SCN9A: variants seen among roughly 807,000 people sequenced by gnomAD.
The protein encoded by SCN9A is sodium voltage-gated channel alpha subunit 9, also known as sodium channel protein type 9 subunit alpha.
Under a neutral mutation model 187.0 loss-of-function variants are expected in SCN9A, and 131 were observed. The observed-to-expected ratio is 0.70, with a 90% CI of 0.61 to 0.81. The LOEUF (loss-of-function observed/expected upper bound fraction) is 0.81. Among genes scored for constraint, SCN9A ranks in the 30% least tolerant of loss-of-function variants. SCN9A has a pLI of 0.00. For missense variants in SCN9A, 2,252 were observed against 2,396.6 expected, an observed-to-expected ratio of 0.94 and a Z score of 1.26; for synonymous variants, 809 against 808.6, an observed-to-expected ratio of 1.00 and a Z score of -0.01.
intron 7 of SCN9A, among the ~76,000 whole-genome samples, chr2:166,295,137 T>C (rs1698241303): frequency 1.3e-5 from 2 of 152,070 alleles, no homozygotes; most frequent in Non-Finnish European, 2.9e-5. Flanking sequence ...ATATTTGGGC[T>C]GGGGGAAGAG....
At chr2:166,228,489 C>G (rs1209089197) in intron 22 of SCN9A, among the ~76,000 whole-genome samples, 1 of 151,962 alleles carries the variant, frequency 6.6e-6, no homozygotes, top group Non-Finnish European at 1.5e-5. Context: ...GAACTCCTGA[C>G]CTCATGATCT....
At chr2:166,205,506 T>A (rs1693755211) in intron 24 of SCN9A, among the ~76,000 whole-genome samples, 1 of 152,116 alleles carries the variant, frequency 6.6e-6, no homozygotes, top group South Asian at 2.1e-4. Flanking sequence ...TGTACAAAAA[T>A]TAACTCAAGA....
In SCN9A at chr2:166,311,552, C is replaced by G. The variant is rs201243874; in HGVS notation, c.205G>C (p.Gly69Arg). 3 of 1,612,566 alleles carry G rather than the reference C, an allele frequency of 1.9e-6. No individual in the cohort carries two copies. The highest frequency in any genetic ancestry group is 2.5e-6 in the Non-Finnish European group (3 of 1,179,392). The change falls in exon 2 of 27, where the codon GGC becomes CGC. Residue 69 changes from glycine to arginine, a missense_variant. Gly to Arg is a moderately radical substitution (Grantham distance 125). This residue lies in a region of SCN9A where 1,013 missense variants were observed against 997.4 expected (regional missense o/e 1.02). Coordinates refer to ENST00000642356, the MANE Select transcript of SCN9A (RefSeq NM_001365536.1). ...TCCTCCAGGGGCTCTGACACCATGC[C>G]GGGAGGAATGTCCCCATAGATGAAG... ...LPFIYGDIPPGMVSEPLEDLD... is the reference protein window; with the variant it reads ...LPFIYGDIPPRMVSEPLEDLD...
intron 1 of SCN9A, among the ~76,000 whole-genome samples, chr2:166,339,164 G>GA (rs1433668269): frequency 6.6e-6 from 1 of 152,136 alleles, no homozygotes; most frequent in East Asian, 1.9e-4. Flanking sequence ...GAAGTTAATT[G>GA]AAAAAAGCCT....
intron 1 of SCN9A, among the ~76,000 whole-genome samples, chr2:166,370,183 C>T (rs1005925254): frequency 1.4e-5 from 2 of 146,160 alleles, no homozygotes; most frequent in Admixed American, 6.9e-5. Context: ...GTGAAATTAC[C>T]CCCAGTTAAA....
At chr2:166,303,028 TAA>T (rs1698623884) in intron 7 of SCN9A, 60 bp downstream of exon 7, 3 of 1,211,988 alleles carry the variant, frequency 2.5e-6, no homozygotes, top group Non-Finnish European at 3.5e-6. Context: ...ATTTCATTAT[TAA>T]AAGAGAGCAA....
chr2:166,238,213 A>T lies in SCN9A; in HGVS notation c.3682T>A (p.Tyr1228Asn). 1.2e-6 allele frequency: 2 copies of T among 1,602,626 alleles called. No homozygotes were observed. ...RKKTIKIILE[Y>N]ADKIFTYIFI... ...ATGTAAGTGAAGATCTTGTCTGCAT[A>T]CTCCAGGATAATCTTAATGGTCTTT... Residue 1228 changes from tyrosine (Y) to asparagine (N), a missense_variant, in exon 20 of 27, where the codon TAT becomes AAT. Tyr to Asn is a moderately radical substitution (Grantham distance 143, BLOSUM62 -2). Around this residue, in one of 7 missense-constraint regions of SCN9A, gnomAD observed 313 missense variants for 295.3 expected, o/e 1.06. Transcript: ENST00000642356.
At chr2:166,371,111 C>T (rs1163950860) in intron 1 of SCN9A, among the ~76,000 whole-genome samples, 1 of 152,124 alleles carries the variant, frequency 6.6e-6, no homozygotes, top group East Asian at 1.9e-4. Flanking sequence ...TAATATATGG[C>T]ATTTTTGGCT....
rs540551673 is a variant in SCN9A, at chr2:166,350,639, G to A, written c.-51+25058C>T. The stretch of plus-strand genomic sequence containing the variant: ...GAATTGAGCTCTTAGAATTTTGTCT[G>A]TAAATAAGAATTAGAACTATATTTT... On this transcript the variant is annotated intron_variant, in intron 1 of 26. Transcript: ENST00000642356. 2.0e-5 allele frequency among the ~76,000 whole-genome samples: 3 copies of A among 152,256 alleles called. No individual in the cohort carries two copies. The South Asian group carries it at 6.2e-4, about 32-fold the overall frequency.
chr2:166,251,349 A>C (rs1238817805), intron 18 of SCN9A, among the ~76,000 whole-genome samples: 2 of 152,094 alleles, frequency 1.3e-5, no homozygotes, highest in Non-Finnish European at 2.9e-5. Context: ...AAACTAAGGA[A>C]AGGAAGAATT....
chr2:166,233,463 C>T lies in SCN9A; in HGVS notation c.3802-1G>A. 2 of 1,560,250 alleles carry T rather than the reference C, an allele frequency of 1.3e-6. No individual in the cohort carries two copies. The highest frequency in any genetic ancestry group is 1.7e-6 in the Non-Finnish European group (2 of 1,163,164). On this transcript the variant is annotated splice_acceptor_variant, in intron 20 of 26. Coordinates refer to ENST00000642356, the MANE Select transcript of SCN9A (RefSeq NM_001365536.1). LOFTEE classifies it high-confidence loss of function. The stretch of plus-strand genomic sequence containing the variant: ...TTGCCACTAAAGTAACCAAAGAAAC[C>T]TATAAAAATAACATTTTCATTAATT...
At position 166,311,536 on chromosome 2, in the gene SCN9A, G is replaced by T. The variant is rs201992546; in HGVS notation, c.221C>A (p.Pro74His). 6.2e-7 allele frequency: 1 copy of T among 1,611,422 alleles called. No individual in the cohort carries two copies. Among genetic ancestry groups the T allele is most frequent in the East Asian group, 2.2e-5 (1 of 44,784 alleles). ...ATAGTAGGGGTCCAAGTCCTCCAGGGGCTCTGACACCATGCCGGGAGGAAT... is the reference window on the plus strand; with the variant it reads ...ATAGTAGGGGTCCAAGTCCTCCAGGTGCTCTGACACCATGCCGGGAGGAAT... ...GDIPPGMVSE[P>H]LEDLDPYYAD... The change falls in exon 2 of 27, where the codon CCC (proline) becomes CAC (histidine). Residue 74 changes from proline (P) to histidine (H), a missense_variant. By Grantham distance (77) the Pro-to-His change is moderately conservative. Transcript: ENST00000642356.
chr2:166,222,853 C>T (rs1694651716), intron 24 of SCN9A, among the ~76,000 whole-genome samples: 1 of 138,106 alleles, frequency 7.2e-6, no homozygotes, highest in African/African-American at 2.9e-5. Context: ...ATGGCGTGAA[C>T]CCGGGAGGCG....
intron 14 of SCN9A, 114 bp downstream of exon 14, chr2:166,280,243 T>A: frequency 1.5e-6 from 1 of 651,478 alleles, no homozygotes; most frequent in Admixed American, 2.9e-5. Flanking sequence ...TGGAAAGTTC[T>A]GGATATGCAT....
In SCN9A at chr2:166,306,973, A is replaced by G. The variant is rs769065818; in HGVS notation, c.360T>C (p.Ile120=). Reference sequence around the variant, plus strand: ...AAGGATATGAGTGTACTAAAATCTTAATAGATATTCTTCTTAGAGGACTGA... The same window carrying G: ...AAGGATATGAGTGTACTAAAATCTTGATAGATATTCTTCTTAGAGGACTGA... The part of the protein sequence containing the change: ...SPFSPLRRIS[I]KILVHSLFSM... The change falls in exon 3 of 27, where the codon ATT becomes ATC. Residue 120 remains isoleucine, a synonymous_variant. Coordinates refer to ENST00000642356, the MANE Select transcript of SCN9A (RefSeq NM_001365536.1). 6.3e-7 allele frequency: 1 copy of G among 1,584,042 alleles called. No individual in the cohort carries two copies.
At position 166,278,291 on chromosome 2, in the gene SCN9A, G is replaced by C; in HGVS notation, c.2366C>G (p.Ala789Gly). 6.2e-7 allele frequency: 1 copy of C among 1,604,986 alleles called. No individual in the cohort carries two copies. The highest frequency in any genetic ancestry group is 8.5e-7 in the Non-Finnish European group (1 of 1,176,686). ...GNLVFTGIFA[A>G]EMVLKLIAMD... is the part of the protein sequence containing the mutation. Reference sequence around the variant, plus strand: ...GGCAATCAGTTTTAATACCATTTCAGCTGCAAAGATTCCAGTAAAGACCTA... The same window carrying C: ...GGCAATCAGTTTTAATACCATTTCACCTGCAAAGATTCCAGTAAAGACCTA... Residue 789 changes from alanine (A) to glycine (G), a missense_variant, in exon 15 of 27, where the codon GCT (alanine) becomes GGT (glycine). Physicochemically the swap from Ala to Gly is moderately conservative, Grantham distance 60. Coordinates refer to ENST00000642356, the MANE Select transcript of SCN9A (RefSeq NM_001365536.1).
intron 19 of SCN9A, among the ~76,000 whole-genome samples, chr2:166,241,510 C>T (rs1695563279): frequency 6.6e-6 from 1 of 152,146 alleles, no homozygotes; most frequent in Non-Finnish European, 1.5e-5. Context: ...ACTTGTTCTT[C>T]TTCCCACCAC....
intron 17 of SCN9A, among the ~76,000 whole-genome samples, chr2:166,268,969 A>G (rs1696860709): frequency 6.6e-6 from 1 of 151,938 alleles, no homozygotes; most frequent in African/African-American, 2.4e-5. Flanking sequence ...TTCAAACACT[A>G]TGCTACATGA....
intron 1 of SCN9A, among the ~76,000 whole-genome samples, 153 bp downstream of exon 1, chr2:166,375,544 C>T (rs1410809969): frequency 6.6e-6 from 1 of 152,170 alleles, no homozygotes; most frequent in African/African-American, 2.4e-5. Context: ...CAAGCTTCTC[C>T]CCTCTCTTCT....
Sources: gnomAD v4.1 joint callset for allele counts (sites outside exome capture counted in the v4.1 genomes callset) on GRCh38, gnomAD v4.1.1 for gene constraint, gnomAD v4.1.1 regional missense constraint, MANE v1.5 for transcripts, NCBI Gene and HGNC (gene_info 2026-07-23, HGNC 2026-07-21) for gene names.